The following BCAR3 variants were observed in gnomAD, a reference collection of about 807,000 sequenced individuals.
BCAR3 encodes the protein breast cancer anti-estrogen resistance protein 3.
In BCAR3, 37 loss-of-function variants were observed where a neutral mutation model predicts 80.1. That is an observed-to-expected ratio of 0.46 (90% CI 0.36 to 0.61). The LOEUF (loss-of-function observed/expected upper bound fraction) is 0.61, where lower values mean the gene tolerates loss of function less well. Among genes scored for constraint, BCAR3 ranks in the 20% least tolerant of loss-of-function variants. The probability of loss-of-function intolerance (pLI) is 0.00; values close to 1 mark genes in which losing one functional copy is unlikely to be tolerated. For missense variants in BCAR3, 978 were observed against 1,068.2 expected, an observed-to-expected ratio of 0.92 and a Z score of 1.18; for synonymous variants, 389 against 418.9, an observed-to-expected ratio of 0.93 and a Z score of 0.87.
intron 2 of BCAR3, among the ~76,000 whole-genome samples, chr1:93,819,918 T>C (rs1654157237): frequency 4.6e-5 from 7 of 152,190 alleles, no homozygotes. Context: ...ACCCTCCTCC[T>C]ATCCTCCACC....
Position 93,571,830 on chromosome 1 carries a change from A to ATTGTG in BCAR3, c.1809_1813dup (p.Met605ThrfsTer25), listed in dbSNP as rs1317014298. ...AATGTCCACTGCAATGCCGATGGCC[A>ATTGTG]TTGTGTTGTGTCTGAAAGCCAGGAG... On this transcript the variant is annotated frameshift_variant, in exon 9 of 12. Transcript: ENST00000260502. LOFTEE classifies it high-confidence loss of function. 4 of 1,613,238 alleles carry ATTGTG rather than the reference A, an allele frequency of 2.5e-6. No individual in the cohort carries two copies. The highest frequency in any genetic ancestry group is 8.5e-7 in the Non-Finnish European group (1 of 1,179,504).
rs146322537 is a variant in BCAR3, at chr1:93,648,464, C to T, written c.318-6121G>A. Among the ~76,000 whole-genome samples, 22 of 151,908 alleles carry T rather than the reference C, an allele frequency of 1.4e-4. No individual in the cohort carries two copies. In the East Asian group the frequency reaches 3.7e-3, roughly 25 times the overall value. Reference sequence around the variant, plus strand: ...TGAAATAGAGACCCAAAAGGAGACTCGTTAAAAATTAAGGTCTTAAATGAA... The same window carrying T: ...TGAAATAGAGACCCAAAAGGAGACTTGTTAAAAATTAAGGTCTTAAATGAA... On this transcript the variant is annotated intron_variant, in intron 2 of 11. Transcript: ENST00000260502.
At chr1:93,762,209 T>C (rs1557679820) in intron 2 of BCAR3, among the ~76,000 whole-genome samples, 1 of 152,216 alleles carries the variant, frequency 6.6e-6, no homozygotes, top group Admixed American at 6.5e-5. Flanking sequence ...CACTCCTCCA[T>C]TGTCCTTCTC....
intron 3 of BCAR3, among the ~76,000 whole-genome samples, chr1:93,604,203 T>G (rs1674708271): frequency 6.6e-6 from 1 of 152,250 alleles, no homozygotes; most frequent in Admixed American, 6.5e-5. Context: ...ATTTTCCTAC[T>G]GTATATGATT....
intron 2 of BCAR3, among the ~76,000 whole-genome samples, chr1:93,762,434 A>G (rs1325467994): frequency 6.6e-6 from 1 of 152,172 alleles, no homozygotes; most frequent in Non-Finnish European, 1.5e-5. Flanking sequence ...ACTCAGAACC[A>G]TTCTGCTGAG....
intron 2 of BCAR3, among the ~76,000 whole-genome samples, chr1:93,835,043 C>CACT (rs35183147): frequency 1.3e-5 from 2 of 151,570 alleles, no homozygotes; most frequent in South Asian, 2.1e-4. Flanking sequence ...CCACATCTAT[C>CACT]GAGGCTACTG....
At position 93,765,770 on chromosome 1, in the gene BCAR3, G is replaced by A. The variant is rs1031768122; in HGVS notation, c.-62-59628C>T. On this transcript the variant is annotated intron_variant, in intron 2 of 13. Coordinates refer to the BCAR3 transcript ENST00000370244. ...CAACCTCCGCCTCCCAGGTTCAAGCGATTCTCCTGCCTCAGCCTCCTGAGT... is the reference window on the plus strand; with the variant it reads ...CAACCTCCGCCTCCCAGGTTCAAGCAATTCTCCTGCCTCAGCCTCCTGAGT... Among the ~76,000 whole-genome samples the A allele has an allele frequency of 5.3e-5, 8 of 151,730 alleles. No homozygotes were observed. In the South Asian group the frequency reaches 1.3e-3, roughly 24 times the overall value.
Position 93,561,790 on chromosome 1 carries a change from G to T in BCAR3, c.*451C>A, listed in dbSNP as rs1463745114. 6.5e-6 allele frequency: 1 copy of T among 152,944 alleles called. No homozygotes were observed. Among genetic ancestry groups the T allele is most frequent in the African/African-American group, 2.4e-5 (1 of 41,404 alleles). The allele number at this position is 152,944 out of a possible 1,614,324, so 9.5% of individuals were successfully genotyped here. Reference sequence around the variant, plus strand: ...AATATGAAAGAGACTGGATACAACTGTTTCACAAAAAGATGTATTTTCATT... The same window carrying T: ...AATATGAAAGAGACTGGATACAACTTTTTCACAAAAAGATGTATTTTCATT... On this transcript the variant is annotated 3_prime_UTR_variant, in exon 12 of 12. Transcript: ENST00000260502.
intron 3 of BCAR3, among the ~76,000 whole-genome samples, chr1:93,705,710 T>C (rs751849385): frequency 4.6e-5 from 7 of 152,212 alleles, no homozygotes; most frequent in Non-Finnish European, 8.8e-5. Flanking sequence ...TCTTCACCAC[T>C]GAAATGAGGA....
At chr1:93,759,065 A>G (rs1381061875) in intron 2 of BCAR3, among the ~76,000 whole-genome samples, 1 of 152,148 alleles carries the variant, frequency 6.6e-6, no homozygotes, top group Non-Finnish European at 1.5e-5. Context: ...GCCAGTCATT[A>G]TCCCCAAACT....
chr1:93,663,041 G>A (rs75173538), intron 2 of BCAR3, among the ~76,000 whole-genome samples: 3 of 151,990 alleles, frequency 2.0e-5, no homozygotes, highest in South Asian at 4.1e-4. Flanking sequence ...TCACCTTATC[G>A]GGTGGCATTA....
intron 2 of BCAR3, among the ~76,000 whole-genome samples, chr1:93,843,952 T>C (rs1655052366): frequency 6.6e-6 from 1 of 152,168 alleles, no homozygotes; most frequent in Non-Finnish European, 1.5e-5. Flanking sequence ...AGTGCAAATA[T>C]ATACAGTAGA....
intron 2 of BCAR3, among the ~76,000 whole-genome samples, chr1:93,723,724 A>G (rs1650487672): frequency 6.6e-6 from 1 of 152,142 alleles, no homozygotes; most frequent in South Asian, 2.1e-4. Flanking sequence ...CTTGTCTCAG[A>G]GACAGGACCT....
intron 1 of BCAR3, among the ~76,000 whole-genome samples, chr1:93,678,664 G>T (rs567599133): frequency 2.0e-5 from 3 of 152,322 alleles, no homozygotes; most frequent in Non-Finnish European, 4.4e-5. Context: ...AGCACGCTAA[G>T]GAATATAAAC....
Position 93,607,035 on chromosome 1 carries a change from C to CAA in BCAR3, c.358-14644_358-14643dup, listed in dbSNP as rs569781889. On this transcript the variant is annotated intron_variant, in intron 3 of 11. Coordinates refer to ENST00000260502, the MANE Select transcript of BCAR3 (RefSeq NM_003567.4). ...AGGGAGTAAAGACTGTGTTAACTTA[C>CAA]AAGTGAGAGTTTATGCATGTATGAT... 7.7e-3 allele frequency among the ~76,000 whole-genome samples: 1,176 copies of CAA among 152,196 alleles called. 11 individuals are homozygous for CAA. Among genetic ancestry groups the CAA allele is most frequent in the Non-Finnish European group, 0.01 (702 of 68,024 alleles).
intron 2 of BCAR3, among the ~76,000 whole-genome samples, chr1:93,666,550 G>A (rs1201034873): frequency 6.6e-6 from 1 of 152,100 alleles, no homozygotes; most frequent in Admixed American, 6.5e-5. Context: ...AACTCCCTAA[G>A]GACAGGGGAT....
chr1:93,613,268 T>C (rs1675008537), intron 3 of BCAR3, among the ~76,000 whole-genome samples: 1 of 152,236 alleles, frequency 6.6e-6, no homozygotes, highest in Non-Finnish European at 1.5e-5. Context: ...GGAGGTTCTC[T>C]GAATATTTTC....
intron 8 of BCAR3, 144 bp from the exon 9 acceptor site, chr1:93,571,985 A>G (rs978180505): frequency 3.3e-5 from 33 of 999,458 alleles, no homozygotes; most frequent in African/African-American, 9.7e-5. Flanking sequence ...TAGACGGCCA[A>G]TCTCAACAGA....
intron 2 of BCAR3, among the ~76,000 whole-genome samples, chr1:93,804,049 G>C (rs946768433): frequency 6.6e-6 from 1 of 152,200 alleles, no homozygotes; most frequent in African/African-American, 2.4e-5. Context: ...AGCAGCTTAT[G>C]CCTGTAATCC....
Sources: allele counts gnomAD v4.1 joint callset (sites outside exome capture counted in the v4.1 genomes callset), GRCh38; gene constraint gnomAD v4.1.1; transcripts MANE v1.5; gene names NCBI Gene and HGNC (gene_info 2026-07-23, HGNC 2026-07-21).